The following SPAG16 variants were observed in gnomAD, a reference collection of about 807,000 sequenced individuals.
SPAG16 encodes the protein sperm associated antigen 16, also known as sperm-associated antigen 16 protein.
Under a neutral mutation model 80.4 loss-of-function variants are expected in SPAG16, and 86 were observed. That is an observed-to-expected ratio of 1.07 (90% CI 0.90 to 1.28). The LOEUF (loss-of-function observed/expected upper bound fraction) is 1.28, where lower values mean the gene tolerates loss of function less well. SPAG16 is among the 50% of genes most tolerant of loss of function. SPAG16 has a pLI of 0.00. For missense variants in SPAG16, 870 were observed against 765.3 expected (o/e 1.14, Z -1.61); for synonymous variants, 294 against 265.9 (o/e 1.11, Z -1.03).
chr2:214,166,376 A>C (rs1217040608), intron 15 of SPAG16, among the ~76,000 whole-genome samples: 1 of 152,166 alleles, frequency 6.6e-6, no homozygotes. Context: ...AGTGAAGGGC[A>C]GGAAGAGAGG....
intron 15 of SPAG16, among the ~76,000 whole-genome samples, chr2:214,338,082 AG>A (rs1697421719): frequency 6.6e-6 from 1 of 152,240 alleles, no homozygotes; most frequent in African/African-American, 2.4e-5. Flanking sequence ...TGAAACCCAA[AG>A]TTAGCTAATT....
intron 15 of SPAG16, among the ~76,000 whole-genome samples, chr2:214,151,462 G>A (rs1384977562): frequency 2.0e-5 from 3 of 151,926 alleles, no homozygotes; most frequent in Non-Finnish European, 4.4e-5. Context: ...AAAGAGAAGT[G>A]TAACAAAATT....
chr2:214,357,250 C>G (rs1698877010), intron 15 of SPAG16, among the ~76,000 whole-genome samples: 1 of 151,816 alleles, frequency 6.6e-6, no homozygotes, highest in Non-Finnish European at 1.5e-5. Flanking sequence ...TGCTTTTTAT[C>G]AAAAGCACCA....
At chr2:213,990,747 A>G (rs1330547204) in intron 12 of SPAG16, among the ~76,000 whole-genome samples, 1 of 152,032 alleles carries the variant, frequency 6.6e-6, no homozygotes, top group Non-Finnish European at 1.5e-5. Flanking sequence ...AGGAAAATCT[A>G]TGTATAAGTG....
At position 213,867,698 on chromosome 2, in the gene SPAG16, G is replaced by A. The variant is rs1390686773; in HGVS notation, c.1214+5070G>A. On this transcript the variant is annotated intron_variant, in intron 11 of 15. Coordinates refer to ENST00000331683, the MANE Select transcript of SPAG16 (RefSeq NM_024532.5). ...AGCACTTTGGGAGGCCGAGGCGGGC[G>A]GATCATGAGGTCAGGAGATCAAGAC... is the stretch of plus-strand genomic sequence containing the variant. 7.2e-5 allele frequency among the ~76,000 whole-genome samples: 11 copies of A among 151,888 alleles called. No homozygotes were observed. The East Asian group carries it at 7.8e-4, about 11-fold the overall frequency.
chr2:213,879,392 TGTGTGTATATAC>T (rs2076260715), intron 11 of SPAG16, among the ~76,000 whole-genome samples: 1 of 151,656 alleles, frequency 6.6e-6, no homozygotes, highest in Non-Finnish European at 1.5e-5. Context: ...TGGGGGTGTG[TGTGTGTATATAC>T]ATATACACAC....
chr2:213,928,904 TAC>T (rs71063798), intron 11 of SPAG16, among the ~76,000 whole-genome samples: 7,865 of 142,946 alleles, frequency 0.055, 354 homozygotes, highest in African/African-American at 0.13. Flanking sequence ...CAGCTGATGT[TAC>T]ACACACACAC....
chr2:214,026,255 T>TAC (rs557585369), intron 13 of SPAG16, among the ~76,000 whole-genome samples: 35 of 151,092 alleles, frequency 2.3e-4, no homozygotes, highest in Admixed American at 1.7e-3. Context: ...ATATTATATA[T>TAC]ACACACACAC....
chr2:214,362,417 G>A (rs940803841), intron 15 of SPAG16, among the ~76,000 whole-genome samples: 3 of 151,840 alleles, frequency 2.0e-5, no homozygotes, highest in Admixed American at 6.6e-5. Flanking sequence ...CTACCACAGA[G>A]GGAAAATATA....
intron 10 of SPAG16, among the ~76,000 whole-genome samples, chr2:213,497,271 TG>T (rs1188633431): frequency 6.6e-6 from 1 of 152,128 alleles, no homozygotes; most frequent in East Asian, 1.9e-4. Flanking sequence ...TTTATCTTTT[TG>T]GGGTGTGTTC....
chr2:213,851,201 G>T (rs955405477), intron 10 of SPAG16, among the ~76,000 whole-genome samples: 1 of 152,158 alleles, frequency 6.6e-6, no homozygotes, highest in Admixed American at 6.5e-5. Context: ...TGTTTAAAAA[G>T]ATTTGGGTTG....
At chr2:213,908,603 T>C (rs1334037814) in intron 11 of SPAG16, among the ~76,000 whole-genome samples, 1 of 152,146 alleles carries the variant, frequency 6.6e-6, no homozygotes, top group Non-Finnish European at 1.5e-5. Context: ...TACCTATATA[T>C]AGTGCTGTCC....
chr2:213,707,831 G>A (rs940620548), intron 10 of SPAG16, among the ~76,000 whole-genome samples: 1 of 152,016 alleles, frequency 6.6e-6, no homozygotes, highest in Non-Finnish European at 1.5e-5. Context: ...AAACAGAAAA[G>A]AACAATCTGA....
chr2:214,013,657 G>A (rs1357070301), intron 12 of SPAG16, among the ~76,000 whole-genome samples: 2 of 152,120 alleles, frequency 1.3e-5, no homozygotes, highest in African/African-American at 4.8e-5. Flanking sequence ...ATTATGTGGG[G>A]ATAATTTTTA....
intron 15 of SPAG16, among the ~76,000 whole-genome samples, chr2:214,211,557 G>T (rs1443758424): frequency 6.6e-6 from 1 of 152,124 alleles, no homozygotes; most frequent in Non-Finnish European, 1.5e-5. Context: ...AAGACCTCTT[G>T]TAAGTAGTTT....
intron 14 of SPAG16, among the ~76,000 whole-genome samples, chr2:214,130,243 A>G (rs563908605): frequency 3.9e-5 from 6 of 152,160 alleles, no homozygotes; most frequent in South Asian, 4.1e-4. Context: ...GCCACAGTTT[A>G]TCTTGACAAC....
At chr2:214,157,379 A>G (rs577717341) in intron 15 of SPAG16, among the ~76,000 whole-genome samples, 12 of 152,184 alleles carry the variant, frequency 7.9e-5, no homozygotes, top group Non-Finnish European at 1.5e-4. Context: ...GGAACTGTAC[A>G]GTAAAAAAAA....
chr2:213,526,482 T>C (rs1408101016), intron 10 of SPAG16, among the ~76,000 whole-genome samples: 3 of 152,192 alleles, frequency 2.0e-5, no homozygotes, highest in African/African-American at 4.8e-5. Flanking sequence ...CCCTTGGAGA[T>C]AGAGATCTTT....
At chr2:213,503,172 C>T (rs931010096) in intron 10 of SPAG16, among the ~76,000 whole-genome samples, 1 of 152,120 alleles carries the variant, frequency 6.6e-6, no homozygotes, top group African/African-American at 2.4e-5. Flanking sequence ...TTTCACCTCC[C>T]CCATGAATCA....
Sources: allele counts gnomAD v4.1 joint callset (sites outside exome capture counted in the v4.1 genomes callset), GRCh38; gene constraint gnomAD v4.1.1; transcripts MANE v1.5; gene names NCBI Gene and HGNC (gene_info 2026-07-23, HGNC 2026-07-21).